Variants in RRM1 observed in about 807,000 individuals in gnomAD.
RRM1 encodes ribonucleoside-diphosphate reductase large subunit.
RRM1 carries 19 observed loss-of-function variants against 101.5 expected under a neutral mutation model. The observed-to-expected ratio is 0.19, with a 90% CI of 0.13 to 0.27. RRM1 has a LOEUF of 0.27. Among genes scored for constraint, RRM1 ranks in the 10% least tolerant of loss-of-function variants. The pLI is 1.00. For missense variants in RRM1, 500 were observed against 962.9 expected (o/e 0.52, Z 6.36); for synonymous variants, 298 against 323.4 (o/e 0.92, Z 0.84).
chr11:4,134,729 G>A (rs2094606097), intron 17 of RRM1, among the ~76,000 whole-genome samples: 1 of 152,176 alleles, frequency 6.6e-6, no homozygotes, highest in Non-Finnish European at 1.5e-5. Context: ...CAAAACTCAA[G>A]GGTCATTTAT....
rs1554977472 is a variant in RRM1 at position 4,138,083 on chromosome 11, C to CA, written c.2191-111dup. 150 of 245,554 alleles carry CA rather than the reference C, an allele frequency of 6.1e-4. 47 individuals carry two copies. Among genetic ancestry groups the CA allele is most frequent in the African/African-American group, 3.8e-3 (145 of 37,666 alleles). The allele number at this position is 245,554 out of a possible 1,614,324, so 15.2% of individuals were successfully genotyped here. On this transcript the variant is annotated intron_variant, in intron 18 of 18. Transcript: ENST00000300738. ...CTGGCCGGGCGGGGGCTGACCCCCC[C>CA]ACCTCCCTCCTGGACGGGGCGGCTG...
intron 4 of RRM1, among the ~76,000 whole-genome samples, chr11:4,108,454 C>G (rs2094561137): frequency 6.6e-6 from 1 of 151,742 alleles, no homozygotes; most frequent in Non-Finnish European, 1.5e-5. Flanking sequence ...AAAAATTAGC[C>G]AGGTGTGGGA....
At chr11:4,099,431 C>T (rs2094547825) in intron 1 of RRM1, 1 of 151,900 alleles carries the variant, frequency 6.6e-6, no homozygotes, top group South Asian at 2.1e-4. Context: ...GCTGAGCCAC[C>T]ATGCCCTGCT....
At chr11:4,125,861 G>T (rs2094588686) in intron 12 of RRM1, among the ~76,000 whole-genome samples, 1 of 152,110 alleles carries the variant, frequency 6.6e-6, no homozygotes, top group Admixed American at 6.6e-5. Context: ...TGGGTATTTG[G>T]CAACATGTGT....
chr11:4,134,329 G>C (rs1360802908), intron 17 of RRM1, among the ~76,000 whole-genome samples: 1 of 152,120 alleles, frequency 6.6e-6, no homozygotes. Flanking sequence ...ATCAAAATTT[G>C]GGGGATCATA....
At position 4,138,534 on chromosome 11, in the gene RRM1, A is replaced by T. The variant is rs1042919; in HGVS notation, c.*151A>T. 0.9 allele frequency: 392,223 copies of T among 436,744 alleles called. 176,775 individuals are homozygous for T. Among genetic ancestry groups the T allele is most frequent in the South Asian group, 0.93 (7,414 of 7,952 alleles). 27.1% of individuals were successfully genotyped at this position (436,744 alleles called of 1,614,324 possible). A position where few individuals can be genotyped will look rare whatever the true frequency, so the allele number is the denominator to read the frequency against. The stretch of plus-strand genomic sequence containing the variant: ...TTGATTTAAAGTACTGTTAATGATG[A>T]TAATGATTTTTTTTTTAAACTCATA... On this transcript the variant is annotated 3_prime_UTR_variant, in exon 19 of 19. Transcript: ENST00000300738.
rs186177143 is a variant in RRM1 at position 4,108,571 on chromosome 11, C to A, written c.387+1036C>A. On this transcript the variant is annotated intron_variant, in intron 4 of 18. Coordinates refer to ENST00000300738, the MANE Select transcript of RRM1 (RefSeq NM_001033.5). ...CGAGATTGGGCCACTGCACTCCAGCCTGGGCAACAGAGTGAGACTCAGTCT... is the reference window on the plus strand; with the variant it reads ...CGAGATTGGGCCACTGCACTCCAGCATGGGCAACAGAGTGAGACTCAGTCT... 5.3e-3 allele frequency among the ~76,000 whole-genome samples: 673 copies of A among 126,612 alleles called. 5 individuals are homozygous for A. Among genetic ancestry groups the A allele is most frequent in the African/African-American group, 0.019 (644 of 33,810 alleles). 83.1% of individuals were successfully genotyped at this position (126,612 alleles called of 152,430 possible).
intron 12 of RRM1, among the ~76,000 whole-genome samples, chr11:4,124,922 T>TAA (rs1554975529): frequency 2.7e-5 from 4 of 146,094 alleles, no homozygotes; most frequent in Non-Finnish European, 3.0e-5. Context: ...TTTATTTTAT[T>TAA]TTTTTTTTTT....
Position 4,130,086 on chromosome 11 carries a change from A to ATATATATTTTTTTTT in RRM1, c.1769+937_1769+938insATATATTTTTTTTTT, listed in dbSNP as rs1202870487. 4.7e-4 allele frequency among the ~76,000 whole-genome samples: 47 copies of ATATATATTTTTTTTT among 99,452 alleles called. 1 individual carries two copies. Among genetic ancestry groups the ATATATATTTTTTTTT allele is most frequent in the African/African-American group, 2.4e-3 (45 of 18,650 alleles). 65.2% of individuals were successfully genotyped at this position (99,452 alleles called of 152,430 possible). On this transcript the variant is annotated intron_variant, in intron 15 of 18. Coordinates refer to ENST00000300738, the MANE Select transcript of RRM1 (RefSeq NM_001033.5). The stretch of plus-strand genomic sequence containing the variant: ...TGTATTTATATATATATATATATAT[A>ATATATATTTTTTTTT]TTTTTTTTTTTTTTTTTTCCCCTCA...
chr11:4,123,598 G>GT (rs921377560), intron 12 of RRM1, among the ~76,000 whole-genome samples: 9 of 152,192 alleles, frequency 5.9e-5, no homozygotes, highest in African/African-American at 2.2e-4. Flanking sequence ...GAAAGACACA[G>GT]TTTTTTCTTA....
rs1254857405 is a variant in RRM1 at position 4,121,697 on chromosome 11, C to T, written c.970C>T (p.Arg324Cys). ...LKKNTGKEEQ[R>C]ARDLFFALWI... Reference sequence around the variant, plus strand: ...GAAGAACACAGGAAAGGAAGAGCAGCGTGCCAGAGATCTTTTCTTTGCTCT... The same window carrying T: ...GAAGAACACAGGAAAGGAAGAGCAGTGTGCCAGAGATCTTTTCTTTGCTCT... Residue 324 changes from arginine (R) to cysteine (C), a missense_variant, in exon 10 of 19, where the codon CGT becomes TGT. By Grantham distance (180) the Arg-to-Cys change is radical. Coordinates refer to ENST00000300738, the MANE Select transcript of RRM1 (RefSeq NM_001033.5). The T allele has an allele frequency of 6.2e-7, 1 of 1,613,588 alleles. No homozygotes were observed. The highest frequency in any genetic ancestry group is 8.5e-7 in the Non-Finnish European group (1 of 1,179,758).
At position 4,126,675 on chromosome 11, in the gene RRM1, G is replaced by T. The variant is rs1460799725; in HGVS notation, c.1321-9G>T. 1.9e-6 allele frequency: 3 copies of T among 1,596,528 alleles called. No homozygotes were observed. The highest frequency in any genetic ancestry group is 2.7e-5 in the African/African-American group (2 of 73,778). ...TTGTGTGATTCTTGACCTGTTTTTT[G>T]CATTCCAGGTTGCTGTTTGTAATTT... On this transcript the variant is annotated splice_polypyrimidine_tract_variant and intron_variant, in intron 12 of 18. Transcript: ENST00000300738.
chr11:4,102,759 T>TTA (rs1173198018), intron 2 of RRM1, among the ~76,000 whole-genome samples: 3 of 152,232 alleles, frequency 2.0e-5, no homozygotes, highest in African/African-American at 7.2e-5. Flanking sequence ...GTAAAAAGAT[T>TTA]TAAGTAATAT....
chr11:4,125,099 G>A (rs1282406655), intron 12 of RRM1, among the ~76,000 whole-genome samples: 1 of 151,750 alleles, frequency 6.6e-6, no homozygotes, highest in East Asian at 1.9e-4. Context: ...ATTTTTAGTA[G>A]GGACGAGGTT....
intron 4 of RRM1, among the ~76,000 whole-genome samples, chr11:4,109,232 G>A (rs986742370): frequency 1.3e-5 from 2 of 151,268 alleles, no homozygotes; most frequent in Non-Finnish European, 2.9e-5. Flanking sequence ...ATATATATTA[G>A]TAAATATGTG....
chr11:4,127,508 A>G (rs1332731900), intron 14 of RRM1, among the ~76,000 whole-genome samples: 1 of 152,192 alleles, frequency 6.6e-6, no homozygotes, highest in Non-Finnish European at 1.5e-5. Context: ...CAACGTGACT[A>G]TGGAGGCAGA....
rs563958614 is a variant in RRM1, at chr11:4,094,834, G to T, written c.-179G>T. 2.5e-4 allele frequency: 161 copies of T among 643,456 alleles called. 1 individual carries two copies. Among genetic ancestry groups the T allele is most frequent in the Middle Eastern group, 1.7e-3 (4 of 2,316 alleles). 39.9% of individuals were successfully genotyped at this position (643,456 alleles called of 1,614,324 possible). A position where few individuals can be genotyped will look rare whatever the true frequency, so the allele number is the denominator to read the frequency against. On this transcript the variant is annotated 5_prime_UTR_variant, in exon 1 of 19. Transcript: ENST00000300738. ...GTCACGGGTGGCGGGCGCGGGAAGG[G>T]GATTTGGATTGTTGCGCCTCTGCTC...
chr11:4,133,425 T>G (rs2094603713), intron 16 of RRM1, 138 bp from the exon 17 acceptor site: 3 of 547,200 alleles, frequency 5.5e-6, no homozygotes, highest in Admixed American at 3.5e-5. Context: ...TGTCTCGTCT[T>G]TATAAAAGAT....
Position 4,138,366 on chromosome 11 carries a change from C to G in RRM1, c.2362C>G (p.Leu788Val), listed in dbSNP as rs753197422. ...CTCTTTGGAGAATAGAGATGAATGT[C>G]TGATGTGTGGATCCTGAGGAAAGAC... Reference protein sequence around the residue: ...VCSLENRDECLMCGS With the variant: ...VCSLENRDECVMCGS Residue 788 changes from leucine to valine, a missense_variant, in exon 19 of 19, where the codon CTG becomes GTG. This residue lies in a region of RRM1 where 33 missense variants were observed against 40.7 expected (regional missense o/e 0.81). Transcript: ENST00000300738. The G allele has an allele frequency of 5.6e-6, 9 of 1,605,624 alleles. No homozygotes were observed. The Admixed American group carries it at 1.0e-4, about 18-fold the overall frequency.
Sources: allele counts gnomAD v4.1 joint callset (sites outside exome capture counted in the v4.1 genomes callset), GRCh38; gene constraint gnomAD v4.1.1; regional missense constraint gnomAD v4.1.1; transcripts MANE v1.5; gene names NCBI Gene and HGNC (gene_info 2026-07-23, HGNC 2026-07-21).